The following C10orf90 variants were observed in gnomAD, a reference collection of about 807,000 sequenced individuals.
The protein encoded by C10orf90 is chromosome 10 open reading frame 90.
Under a neutral mutation model 62.5 loss-of-function variants are expected in C10orf90, and 56 were observed. The ratio of observed to expected loss-of-function variants is 0.90; its 90% CI spans 0.72 to 1.12. C10orf90 has a LOEUF of 1.12. Among genes scored for constraint, C10orf90 ranks in the 50% most tolerant of loss-of-function variants. The pLI, the probability that C10orf90 is intolerant of heterozygous loss-of-function variation, is 0.00. For missense variants in C10orf90, 970 were observed against 880.4 expected, an observed-to-expected ratio of 1.10 and a Z score of -1.29; for synonymous variants, 386 against 340.4, an observed-to-expected ratio of 1.13 and a Z score of -1.47.
intron 7 of C10orf90, among the ~76,000 whole-genome samples, chr10:126,454,593 C>T (rs576378361): frequency 2.6e-5 from 4 of 152,034 alleles, no homozygotes; most frequent in African/African-American, 9.7e-5. Flanking sequence ...TGTCCCCTAC[C>T]TGCAGGGGCT....
At chr10:126,662,284 T>A (rs1187031530) in intron 1 of C10orf90, among the ~76,000 whole-genome samples, 1 of 152,148 alleles carries the variant, frequency 6.6e-6, no homozygotes, top group Non-Finnish European at 1.5e-5. Context: ...CAGTGAGGTC[T>A]CTACATTCCA....
In C10orf90 at chr10:126,504,614, T is replaced by C; in HGVS notation, c.877A>G (p.Thr293Ala). 3 of 1,614,216 alleles carry C rather than the reference T, an allele frequency of 1.9e-6. No homozygotes were observed. Among genetic ancestry groups the C allele is most frequent in the Non-Finnish European group, 2.5e-6 (3 of 1,180,016 alleles). Reference protein sequence around the residue: ...PGRHQRSFACTEFSRNSSVVR... With the variant: ...PGRHQRSFACAEFSRNSSVVR... ...ACGGAGCTGTTTCTGGAGAACTCTG[T>C]GCAGGCAAAAGATCTCTGATGCCGA... The change falls in exon 4 of 10, where the codon ACA becomes GCA. Residue 293 changes from threonine (T) to alanine (A), a missense_variant. By Grantham distance (58) the Thr-to-Ala change is moderately conservative. Coordinates refer to ENST00000488181, the MANE Select transcript of C10orf90 (RefSeq NM_001350921.2). This position sits in a 1 kb window ranked among gnomAD's most constrained non-coding sequence, Gnocchi z 4.1.
intron 4 of C10orf90, among the ~76,000 whole-genome samples, chr10:126,499,518 G>C (rs1164580012): frequency 6.6e-6 from 1 of 152,198 alleles, no homozygotes; most frequent in Non-Finnish European, 1.5e-5. Flanking sequence ...CTCCCCTACA[G>C]GTAGGCTTGG....
At chr10:126,468,596 C>T (rs9919375) in intron 4 of C10orf90, among the ~76,000 whole-genome samples, 46,624 of 151,906 alleles carry the variant, frequency 0.31, 7,244 homozygotes, top group African/African-American at 0.34. Flanking sequence ...AGGAGTAGCA[C>T]CAGGGGAGTG....
At chr10:126,460,382 A>C (rs1859891108) in intron 6 of C10orf90, among the ~76,000 whole-genome samples, 1 of 152,228 alleles carries the variant, frequency 6.6e-6, no homozygotes, top group African/African-American at 2.4e-5. Context: ...CCATGACTGA[A>C]ACTTTCCTCT....
At chr10:126,546,555 G>A (rs1864496297) in intron 2 of C10orf90, among the ~76,000 whole-genome samples, 2 of 152,314 alleles carry the variant, frequency 1.3e-5, no homozygotes, top group South Asian at 4.1e-4. Context: ...CACGTGGGAA[G>A]CAGTAAGGAG....
At chr10:126,448,124 C>T (rs1332699498) in intron 7 of C10orf90, among the ~76,000 whole-genome samples, 1 of 148,624 alleles carries the variant, frequency 6.7e-6, no homozygotes, top group East Asian at 2.0e-4. Context: ...CCTGCCTCGG[C>T]CTCCCAAAAT....
At chr10:126,587,781 A>G (rs897978207) in intron 2 of C10orf90, among the ~76,000 whole-genome samples, 1 of 152,080 alleles carries the variant, frequency 6.6e-6, no homozygotes, top group Non-Finnish European at 1.5e-5. Flanking sequence ...TTATGAAGCC[A>G]GCAAAATGAT....
chr10:126,548,656 C>T (rs1308915379), intron 2 of C10orf90, among the ~76,000 whole-genome samples: 3 of 152,090 alleles, frequency 2.0e-5, no homozygotes, highest in African/African-American at 7.2e-5. Flanking sequence ...TGAGCCACTG[C>T]GCCCGGCCGC....
chr10:126,581,775 CTA>C (rs1293093906), intron 2 of C10orf90, among the ~76,000 whole-genome samples: 10 of 152,118 alleles, frequency 6.6e-5, no homozygotes, highest in Non-Finnish European at 1.5e-4. Flanking sequence ...AGAAAAAAAA[CTA>C]TGTTTCCCAG....
intron 2 of C10orf90, among the ~76,000 whole-genome samples, chr10:126,544,869 G>A (rs1864455446): frequency 6.6e-6 from 1 of 151,948 alleles, no homozygotes; most frequent in African/African-American, 2.4e-5. Context: ...ATTGCCTGAT[G>A]ATTTTCACTA....
At chr10:126,634,667 T>C (rs954550561) in intron 2 of C10orf90, among the ~76,000 whole-genome samples, 48 of 152,148 alleles carry the variant, frequency 3.2e-4, no homozygotes, top group African/African-American at 1.0e-3. Context: ...TTATGATGAG[T>C]GTCTTATATC....
At chr10:126,480,785 A>G (rs1383418062) in intron 4 of C10orf90, among the ~76,000 whole-genome samples, 1 of 152,134 alleles carries the variant, frequency 6.6e-6, no homozygotes, top group Non-Finnish European at 1.5e-5. Context: ...CCCTGCAACT[A>G]TACTCTCTCC....
At chr10:126,465,544 G>A (rs1358117263) in intron 4 of C10orf90, among the ~76,000 whole-genome samples, 1 of 152,122 alleles carries the variant, frequency 6.6e-6, no homozygotes, top group Non-Finnish European at 1.5e-5. Context: ...CTGATGCACA[G>A]TCAGCTTGAA....
Position 126,550,619 on chromosome 10 carries a change from C to T in C10orf90, c.314-36680G>A, listed in dbSNP as rs113606728. Among the ~76,000 whole-genome samples, 75 of 152,224 alleles carry T rather than the reference C, an allele frequency of 4.9e-4. 1 individual carries two copies. The highest frequency in any genetic ancestry group is 1.7e-3 in the African/African-American group (71 of 41,530). ...CCGCCTCCTGGGTTCAAGGAATCCT[C>T]CCTTCTCAGCCTCCCTAGTAGCTGG... On this transcript the variant is annotated intron_variant, in intron 2 of 9. Coordinates refer to ENST00000488181, the MANE Select transcript of C10orf90 (RefSeq NM_001350921.2).
intron 7 of C10orf90, among the ~76,000 whole-genome samples, chr10:126,446,984 T>C (rs1858826505): frequency 6.6e-6 from 1 of 152,162 alleles, no homozygotes; most frequent in South Asian, 2.1e-4. Flanking sequence ...GTTTTATGTA[T>C]GCCTAATAGT....
In C10orf90 at chr10:126,504,953, G is replaced by A. The variant is rs200624892; in HGVS notation, c.538C>T (p.His180Tyr). ...PCAIAQSRAH[H>Y]AKQSLANRSG... Reference sequence around the variant, plus strand: ...CGGTTAGCCAGAGATTGCTTGGCGTGATGTGCACGAGACTGAGCAATGGCA... The same window carrying A: ...CGGTTAGCCAGAGATTGCTTGGCGTAATGTGCACGAGACTGAGCAATGGCA... Residue 180 changes from histidine to tyrosine, a missense_variant, in exon 4 of 10, where the codon CAC (histidine) becomes TAC (tyrosine). Physicochemically the swap from His to Tyr is moderately conservative, Grantham distance 83. Transcript: ENST00000488181. This position sits in a 1 kb window ranked among gnomAD's most constrained non-coding sequence, Gnocchi z 4.1. 3.7e-6 allele frequency: 6 copies of A among 1,614,228 alleles called. No homozygotes were observed. In the Admixed American group the frequency reaches 6.7e-5, roughly 18 times the overall value.
chr10:126,515,985 G>A (rs865948284), intron 2 of C10orf90, among the ~76,000 whole-genome samples: 10 of 152,298 alleles, frequency 6.6e-5, no homozygotes, highest in Middle Eastern at 3.4e-3. Flanking sequence ...GGATTCCTGC[G>A]CAGAGATGAT....
At chr10:126,561,316 T>A (rs1864895129) in intron 2 of C10orf90, among the ~76,000 whole-genome samples, 1 of 152,200 alleles carries the variant, frequency 6.6e-6, no homozygotes, top group East Asian at 1.9e-4. Context: ...GCTCTTGGTA[T>A]CATGATGAAA....
Sources: gnomAD v4.1 joint callset for allele counts (sites outside exome capture counted in the v4.1 genomes callset) on GRCh38, gnomAD v4.1.1 for gene constraint, Gnocchi (gnomAD v3.1) non-coding constraint, MANE v1.5 for transcripts, NCBI Gene and HGNC (gene_info 2026-07-23, HGNC 2026-07-21) for gene names.